Variants in PPARGC1A observed in about 807,000 individuals in gnomAD.
The protein encoded by PPARGC1A is PPARG coactivator 1 alpha.
PPARGC1A carries 25 observed loss-of-function variants against 88.7 expected under a neutral mutation model. The observed-to-expected ratio is 0.28, with a 90% CI of 0.21 to 0.39. The LOEUF (loss-of-function observed/expected upper bound fraction) is 0.39, where lower values mean the gene tolerates loss of function less well. Among genes scored for constraint, PPARGC1A ranks in the 10% least tolerant of loss-of-function variants. The pLI is 1.00. For synonymous variants in PPARGC1A, 363 were observed against 355.6 expected (o/e 1.02, Z -0.24); for missense variants, 880 against 968.7 (o/e 0.91, Z 1.22).
At chr4:24,444,025 C>T in the PPARGC1A span, among the ~76,000 whole-genome samples, 1 of 152,044 alleles carries the variant, frequency 6.6e-6, no homozygotes, top group African/African-American at 2.4e-5. Context: ...AGAGTAATTT[C>T]GTCGTTGTTG....
chr4:24,067,250 C>T, the PPARGC1A span, among the ~76,000 whole-genome samples: 5 of 149,640 alleles, frequency 3.3e-5, no homozygotes, highest in Admixed American at 2.7e-4. Flanking sequence ...ATTTTCAAAG[C>T]ATTTAAATTT....
At chr4:24,251,331 A>C in the PPARGC1A span, among the ~76,000 whole-genome samples, 1 of 152,192 alleles carries the variant, frequency 6.6e-6, no homozygotes, top group Non-Finnish European at 1.5e-5. Context: ...TGAAGATTAC[A>C]TTAGTTAATA....
At chr4:24,387,827 AGAAAGAGAGAAAG>A in the PPARGC1A span, among the ~76,000 whole-genome samples, 8 of 76,284 alleles carry the variant, frequency 1.0e-4, no homozygotes, top group Admixed American at 7.4e-4. Flanking sequence ...AAAGAAAGAG[AGAAAGAGAGAAAG>A]AGAGAGAGAA....
the PPARGC1A span, among the ~76,000 whole-genome samples, chr4:24,187,616 G>A: frequency 6.6e-6 from 1 of 152,166 alleles, no homozygotes; most frequent in Non-Finnish European, 1.5e-5. Context: ...GTAAATGTCT[G>A]CTGTGATCCC....
At chr4:23,969,051 C>T in the PPARGC1A span, among the ~76,000 whole-genome samples, 4 of 152,192 alleles carry the variant, frequency 2.6e-5, no homozygotes, top group African/African-American at 9.7e-5. Flanking sequence ...TCTCGCCCCA[C>T]TGGGAGAGTA....
At chr4:24,298,191 A>AC in the PPARGC1A span, among the ~76,000 whole-genome samples, 1 of 151,480 alleles carries the variant, frequency 6.6e-6, no homozygotes, top group African/African-American at 2.4e-5. Flanking sequence ...CAAATGAAAA[A>AC]AAAAAAGATA....
chr4:24,198,875 A>G, the PPARGC1A span, among the ~76,000 whole-genome samples: 1 of 152,210 alleles, frequency 6.6e-6, no homozygotes, highest in Admixed American at 6.5e-5. Flanking sequence ...CAGTATAAGC[A>G]GCTCCTTACT....
At chr4:23,837,642 G>T (rs1043305765) in intron 2 of PPARGC1A, among the ~76,000 whole-genome samples, 3 of 152,270 alleles carry the variant, frequency 2.0e-5, no homozygotes, top group African/African-American at 7.2e-5. Flanking sequence ...TTTAAGTGAG[G>T]CCTAATTAGG....
chr4:24,423,686 C>A, the PPARGC1A span, among the ~76,000 whole-genome samples: 1 of 152,196 alleles, frequency 6.6e-6, no homozygotes, highest in African/African-American at 2.4e-5. Context: ...GGAAATATGT[C>A]ATTGTCAGTT....
the PPARGC1A span, among the ~76,000 whole-genome samples, chr4:23,946,811 TACAC>T: frequency 6.6e-6 from 1 of 150,526 alleles, no homozygotes; most frequent in Non-Finnish European, 1.5e-5. Flanking sequence ...AAAATATATG[TACAC>T]ACACACACAC....
chr4:24,362,883 C>T, the PPARGC1A span, among the ~76,000 whole-genome samples: 1 of 152,146 alleles, frequency 6.6e-6, no homozygotes, highest in Non-Finnish European at 1.5e-5. Context: ...TCGGAAGCTC[C>T]TTTCAAATAT....
chr4:23,869,869 G>A (rs1241311110), intron 2 of PPARGC1A, among the ~76,000 whole-genome samples: 2 of 152,118 alleles, frequency 1.3e-5, no homozygotes, highest in African/African-American at 2.4e-5. Context: ...CTTACTTAAC[G>A]ATAACTCTAC....
chr4:23,839,975 G>C (rs1726765902), intron 2 of PPARGC1A, among the ~76,000 whole-genome samples: 1 of 151,942 alleles, frequency 6.6e-6, no homozygotes, highest in African/African-American at 2.4e-5. Flanking sequence ...ATGAGATTTG[G>C]GTGGGGACAC....
intron 1 of PPARGC1A, chr4:23,889,504 A>G (rs1034141786): frequency 1.8e-5 from 8 of 432,986 alleles, no homozygotes; most frequent in African/African-American, 1.5e-4. Context: ...ATCCATTTTA[A>G]TATTTTTATC....
At chr4:24,234,911 T>C in the PPARGC1A span, among the ~76,000 whole-genome samples, 1 of 152,214 alleles carries the variant, frequency 6.6e-6, no homozygotes, top group Non-Finnish European at 1.5e-5. Context: ...ATTTGCAACA[T>C]GAAAACAAAA....
At chr4:24,424,828 C>T in the PPARGC1A span, among the ~76,000 whole-genome samples, 1 of 152,180 alleles carries the variant, frequency 6.6e-6, no homozygotes, top group Non-Finnish European at 1.5e-5. Context: ...GAATCTGGAT[C>T]AATAAGCACT....
the PPARGC1A span, among the ~76,000 whole-genome samples, chr4:23,981,487 T>C: frequency 6.6e-6 from 1 of 152,024 alleles, no homozygotes; most frequent in South Asian, 2.1e-4. Flanking sequence ...TCAAGCCAAT[T>C]GGGCAGCTTG....
At chr4:23,813,209 A>T in intron 8 of PPARGC1A, 84 bp from the exon 9 acceptor site, 1 of 1,120,212 alleles carries the variant, frequency 8.9e-7, no homozygotes, top group Non-Finnish European at 1.4e-6. Context: ...ATCCTCTGGG[A>T]CACTGTATTA....
chr4:24,221,001 A>C, the PPARGC1A span, among the ~76,000 whole-genome samples: 1 of 152,210 alleles, frequency 6.6e-6, no homozygotes, highest in African/African-American at 2.4e-5. Flanking sequence ...AAAAAAAATG[A>C]GGACATCTCC....
Sources: gnomAD v4.1 joint callset for allele counts (sites outside exome capture counted in the v4.1 genomes callset) on GRCh38, gnomAD v4.1.1 for gene constraint, MANE v1.5 for transcripts, NCBI Gene and HGNC (gene_info 2026-07-23, HGNC 2026-07-21) for gene names.